Variants in CLIC4 observed in about 807,000 individuals in gnomAD.
The protein encoded by CLIC4 is CLIC family member 4, also known as chloride intracellular channel protein 4.
Under a neutral mutation model 24.6 loss-of-function variants are expected in CLIC4, and 13 were observed. The ratio of observed to expected loss-of-function variants is 0.53; its 90% CI spans 0.34 to 0.84. The LOEUF (loss-of-function observed/expected upper bound fraction) is 0.84, where lower values mean the gene tolerates loss of function less well. Ranked by LOEUF, CLIC4 falls within the 40% of genes least tolerant of loss-of-function variation. CLIC4 has a pLI of 0.01. For synonymous variants in CLIC4, 104 were observed against 111.3 expected, an observed-to-expected ratio of 0.93 and a Z score of 0.41; for missense variants, 227 against 301.7, an observed-to-expected ratio of 0.75 and a Z score of 1.83.
Position 24,814,087 on chromosome 1 carries a change from C to T in CLIC4, c.183-7C>T, listed in dbSNP as rs762078935. ...GATCTGATTTTGACCAATATTTTGC[C>T]CAACAGGAAGCCAGCAGACCTGCAG... On this transcript the variant is annotated splice_polypyrimidine_tract_variant and splice_region_variant and intron_variant, in intron 2 of 5. Coordinates refer to ENST00000374379, the MANE Select transcript of CLIC4 (RefSeq NM_013943.3). 2 of 1,612,966 alleles carry T rather than the reference C, an allele frequency of 1.2e-6. No homozygotes were observed. Among genetic ancestry groups the T allele is most frequent in the African/African-American group, 1.3e-5 (1 of 74,838 alleles).
intron 3 of CLIC4, among the ~76,000 whole-genome samples, chr1:24,823,790 A>AG (rs886321036): frequency 4.0e-5 from 6 of 151,754 alleles, no homozygotes; most frequent in East Asian, 1.9e-4. Flanking sequence ...AAAAAAAAAA[A>AG]AAGACATACA....
At chr1:24,814,856 C>G (rs535334137) in intron 3 of CLIC4, among the ~76,000 whole-genome samples, 1 of 152,308 alleles carries the variant, frequency 6.6e-6, no homozygotes, top group Non-Finnish European at 1.5e-5. Flanking sequence ...TTTCCAGTTT[C>G]ATTATCCTGA....
At chr1:24,794,597 A>G (rs1431186451) in intron 1 of CLIC4, among the ~76,000 whole-genome samples, 1 of 152,176 alleles carries the variant, frequency 6.6e-6, no homozygotes, top group African/African-American at 2.4e-5. Flanking sequence ...GACCTTTGTC[A>G]GATGCATATT....
chr1:24,785,840 G>A (rs1639259200), intron 1 of CLIC4, among the ~76,000 whole-genome samples: 1 of 117,394 alleles, frequency 8.5e-6, no homozygotes, highest in Non-Finnish European at 1.6e-5. Flanking sequence ...GGGTGACAGA[G>A]CGAGACTACA....
intron 1 of CLIC4, among the ~76,000 whole-genome samples, chr1:24,747,058 G>A (rs1003840803): frequency 1.4e-5 from 2 of 144,416 alleles, no homozygotes; most frequent in African/African-American, 5.1e-5. Flanking sequence ...CTGGAACAGT[G>A]TTTGCCTTAG....
intron 1 of CLIC4, among the ~76,000 whole-genome samples, chr1:24,792,735 A>G (rs934218478): frequency 6.6e-6 from 1 of 152,194 alleles, no homozygotes; most frequent in Non-Finnish European, 1.5e-5. Flanking sequence ...TGAGATGTGT[A>G]ACGAGCTTCT....
intron 3 of CLIC4, among the ~76,000 whole-genome samples, chr1:24,825,519 G>A (rs886715901): frequency 2.3e-4 from 35 of 152,052 alleles, no homozygotes; most frequent in Admixed American, 9.8e-4. Flanking sequence ...TCTAAATTCA[G>A]GTGAAACTCA....
chr1:24,806,296 G>A (rs893935106), intron 2 of CLIC4, among the ~76,000 whole-genome samples: 2 of 152,216 alleles, frequency 1.3e-5, no homozygotes, highest in African/African-American at 4.8e-5. Context: ...GGTGAGAACT[G>A]CAAGTTGAAG....
At chr1:24,798,803 G>T (rs1374278287) in intron 2 of CLIC4, among the ~76,000 whole-genome samples, 1 of 151,910 alleles carries the variant, frequency 6.6e-6, no homozygotes, top group Non-Finnish European at 1.5e-5. Context: ...TTGCAGGCAC[G>T]CGCCGCCACG....
At chr1:24,756,359 A>T (rs934816052) in intron 1 of CLIC4, among the ~76,000 whole-genome samples, 3 of 152,250 alleles carry the variant, frequency 2.0e-5, no homozygotes, top group African/African-American at 7.2e-5. Flanking sequence ...CCTGAGTTCA[A>T]CATGCATATA....
In CLIC4 at chr1:24,787,845, ATTT is replaced by A. The variant is rs60149402; in HGVS notation, c.73-9875_73-9873del. On this transcript the variant is annotated intron_variant, in intron 1 of 5. Transcript: ENST00000374379. Reference sequence around the variant, plus strand: ...CAGGCGTGAGTCACCGTGCCCGGCCATTTTTTTTTTTTTTTTTTTTTTTTGGGA... The same window carrying A: ...CAGGCGTGAGTCACCGTGCCCGGCCATTTTTTTTTTTTTTTTTTTTTGGGA... Among the ~76,000 whole-genome samples the A allele has an allele frequency of 2.2e-4, 32 of 142,360 alleles. 1 individual carries two copies. The highest frequency in any genetic ancestry group is 8.7e-4 in the African/African-American group (32 of 36,728). 93.4% of individuals were successfully genotyped at this position (142,360 alleles called of 152,430 possible). A position where few individuals can be genotyped will look rare whatever the true frequency, so the allele number is the denominator to read the frequency against.
Position 24,814,259 on chromosome 1 carries a change from TCTTTGAAG to T in CLIC4, c.308+44_308+51del, listed in dbSNP as rs773709594. 3 of 1,591,800 alleles carry T rather than the reference TCTTTGAAG, an allele frequency of 1.9e-6. No homozygotes were observed. In the South Asian group the frequency reaches 3.4e-5, roughly 18 times the overall value. ...AAATACGTATGAAAATATTGTCACT[TCTTTGAAG>T]CTTGTGTTATTTGTCAGTAGAGATC... is the stretch of plus-strand genomic sequence containing the variant. On this transcript the variant is annotated intron_variant, in intron 3 of 5. Transcript: ENST00000374379.
intron 4 of CLIC4, 30 bp downstream of exon 4, chr1:24,827,146 C>CAATGTT: frequency 7.2e-7 from 1 of 1,387,906 alleles, no homozygotes; most frequent in African/African-American, 1.4e-5. Context: ...ATTAACATTG[C>CAATGTT]AACAAAAAAC....
At chr1:24,765,466 A>G (rs1638981804) in intron 1 of CLIC4, among the ~76,000 whole-genome samples, 1 of 152,232 alleles carries the variant, frequency 6.6e-6, no homozygotes, top group Admixed American at 6.5e-5. Flanking sequence ...CGAGAGGGTG[A>G]TGCAAATGAC....
At chr1:24,783,854 A>C (rs938314822) in intron 1 of CLIC4, among the ~76,000 whole-genome samples, 1 of 152,224 alleles carries the variant, frequency 6.6e-6, no homozygotes, top group Admixed American at 6.5e-5. Flanking sequence ...AATTTAAGAC[A>C]TGATAGCGTG....
intron 4 of CLIC4, among the ~76,000 whole-genome samples, chr1:24,838,255 A>G (rs1639905308): frequency 6.6e-6 from 1 of 152,232 alleles, no homozygotes; most frequent in Non-Finnish European, 1.5e-5. Context: ...GAATTTAACA[A>G]TCCTTAGAAT....
chr1:24,754,031 C>CG (rs1638811759), intron 1 of CLIC4, among the ~76,000 whole-genome samples: 1 of 151,864 alleles, frequency 6.6e-6, no homozygotes, highest in Non-Finnish European at 1.5e-5. Context: ...TTGAGGTTTC[C>CG]GGGGGGAAAA....
intron 1 of CLIC4, among the ~76,000 whole-genome samples, chr1:24,774,099 A>C (rs1639103424): frequency 2.0e-5 from 3 of 151,860 alleles, no homozygotes; most frequent in Non-Finnish European, 4.4e-5. Context: ...CAGCCTCCCG[A>C]GTAGCTGGGA....
At chr1:24,750,309 A>G (rs755743364) in intron 1 of CLIC4, among the ~76,000 whole-genome samples, 3 of 148,332 alleles carry the variant, frequency 2.0e-5, no homozygotes, top group Non-Finnish European at 3.0e-5. Flanking sequence ...TCTCTACCCC[A>G]CTCAGGAGCC....
Sources: allele counts gnomAD v4.1 joint callset (sites outside exome capture counted in the v4.1 genomes callset), GRCh38; gene constraint gnomAD v4.1.1; transcripts MANE v1.5; gene names NCBI Gene and HGNC (gene_info 2026-07-23, HGNC 2026-07-21).